COG7: variants seen among roughly 807,000 people sequenced by gnomAD.
COG7 encodes component of oligomeric golgi complex 7.
A neutral mutation model predicts 91.5 loss-of-function variants in COG7; 49 were observed. The observed-to-expected ratio is 0.54, with a 90% CI of 0.43 to 0.68. The LOEUF is 0.68. Among genes scored for constraint, COG7 ranks in the 30% least tolerant of loss-of-function variants. COG7 has a pLI of 0.00. For synonymous variants in COG7, 365 were observed against 388.7 expected (o/e 0.94, Z 0.72); for missense variants, 895 against 961.3 (o/e 0.93, Z 0.91).
At chr16:23,440,984 G>T (rs1596953531) in intron 4 of COG7, among the ~76,000 whole-genome samples, 1 of 151,842 alleles carries the variant, frequency 6.6e-6, no homozygotes, top group South Asian at 2.1e-4. Context: ...GAGAAAATAT[G>T]ATATATATGG....
At chr16:23,426,992 T>A (rs934503798) in intron 6 of COG7, among the ~76,000 whole-genome samples, 9 of 152,188 alleles carry the variant, frequency 5.9e-5, no homozygotes, top group Non-Finnish European at 1.0e-4. Context: ...CTCATGCCTC[T>A]AATCCCAACA....
At chr16:23,451,725 CAAAA>C (rs34572078) in intron 1 of COG7, among the ~76,000 whole-genome samples, 5 of 78,340 alleles carry the variant, frequency 6.4e-5, no homozygotes, top group Non-Finnish European at 8.7e-5. Context: ...GACCCTGTCT[CAAAA>C]AAAAAAAAAA....
intron 6 of COG7, among the ~76,000 whole-genome samples, chr16:23,428,692 CTTTTTTT>C (rs898850977): frequency 7.4e-6 from 1 of 134,684 alleles, no homozygotes; most frequent in Non-Finnish European, 1.6e-5. Flanking sequence ...TGTTTCTTTT[CTTTTTTT>C]TTTTTTTTTT....
At chr16:23,422,658 C>T (rs1963777480) in intron 7 of COG7, among the ~76,000 whole-genome samples, 1 of 151,760 alleles carries the variant, frequency 6.6e-6, no homozygotes, top group Non-Finnish European at 1.5e-5. Context: ...ATGGATTGTT[C>T]TTGCTCTCTT....
Position 23,389,077 on chromosome 16 carries a change from A to C in COG7, c.2156T>G (p.Ile719Ser). The C allele has an allele frequency of 6.2e-7, 1 of 1,613,840 alleles. No individual in the cohort carries two copies. Among genetic ancestry groups the C allele is most frequent in the Non-Finnish European group, 8.5e-7 (1 of 1,179,956 alleles). ...CAGGCCCAGGGCATCCATCACGTTG[A>C]TCAGATAGTCTGTGGGGGCGGAGAG... ...KQLATDIDYL[I>S]NVMDALGLQP... Residue 719 changes from isoleucine to serine, a missense_variant, in exon 17 of 17, where the codon ATC becomes AGC. Ile to Ser is a moderately radical substitution (Grantham distance 142). Coordinates refer to ENST00000307149, the MANE Select transcript of COG7 (RefSeq NM_153603.4).
At chr16:23,415,217 G>A (rs1963634012) in intron 9 of COG7, 1 of 152,216 alleles carries the variant, frequency 6.6e-6, no homozygotes, top group African/African-American at 2.4e-5. Context: ...AAACTGACAG[G>A]GGAATGTTAA....
chr16:23,440,309 A>G (rs1964080553), intron 4 of COG7, among the ~76,000 whole-genome samples: 1 of 151,600 alleles, frequency 6.6e-6, no homozygotes, highest in African/African-American at 2.4e-5. Context: ...GAATCGCTTG[A>G]ACCCAGGAGG....
At chr16:23,424,394 G>C (rs985075030) in intron 7 of COG7, among the ~76,000 whole-genome samples, 2 of 151,618 alleles carry the variant, frequency 1.3e-5, no homozygotes, top group Non-Finnish European at 2.9e-5. Flanking sequence ...GACTTCAAAG[G>C]ATAAGCACAC....
intron 15 of COG7, among the ~76,000 whole-genome samples, chr16:23,392,801 C>T (rs1226277822): frequency 2.6e-5 from 4 of 151,974 alleles, no homozygotes; most frequent in African/African-American, 4.8e-5. Context: ...CGTGGTGGTG[C>T]GCGCCTGTAG....
chr16:23,445,980 A>C lies in COG7; in HGVS notation c.170-19T>G, dbSNP rs752915665. ...CTTGTTTCTGTAGTTAAAAAAAAAA[A>C]AAAAAACAACAACAACAGCGATAGC... On this transcript the variant is annotated intron_variant, in intron 1 of 16. Transcript: ENST00000307149. 11 of 1,608,196 alleles carry C rather than the reference A, an allele frequency of 6.8e-6. No individual in the cohort carries two copies. Among genetic ancestry groups the C allele is most frequent in the South Asian group, 6.6e-5 (6 of 90,344 alleles).
chr16:23,425,166 C>T (rs988263850), intron 6 of COG7, among the ~76,000 whole-genome samples: 1 of 152,068 alleles, frequency 6.6e-6, no homozygotes, highest in Non-Finnish European at 1.5e-5. Flanking sequence ...AAAAATTAGC[C>T]GGGTGTGATG....
rs1963884641 is a variant in COG7, at chr16:23,428,538, T to C, written c.811-3591A>G. Reference sequence around the variant, plus strand: ...ATCAGGGAAATGCAAATAAAAACCATGATGAGATACTACTACACACCCACC... The same window carrying C: ...ATCAGGGAAATGCAAATAAAAACCACGATGAGATACTACTACACACCCACC... On this transcript the variant is annotated intron_variant, in intron 6 of 16. Transcript: ENST00000307149. 2.6e-5 allele frequency among the ~76,000 whole-genome samples: 4 copies of C among 151,820 alleles called. No individual in the cohort carries two copies. The South Asian group carries it at 8.3e-4, about 32-fold the overall frequency.
chr16:23,393,153 G>T, intron 15 of COG7, 80 bp downstream of exon 15: 1 of 996,702 alleles, frequency 1.0e-6, no homozygotes, highest in Non-Finnish European at 1.6e-6. Flanking sequence ...ATGAGCCCAA[G>T]GATAAGGTGT....
chr16:23,434,595 A>G (rs763355219), intron 5 of COG7, 41 bp downstream of exon 5: 2 of 1,401,722 alleles, frequency 1.4e-6, no homozygotes, highest in South Asian at 2.3e-5. Flanking sequence ...AGTTATGAGC[A>G]TTCCACAACT....
chr16:23,434,550 C>A, intron 5 of COG7, 86 bp downstream of exon 5: 1 of 1,030,144 alleles, frequency 9.7e-7, no homozygotes, highest in East Asian at 2.4e-5. Context: ...ATGTTCTTAC[C>A]TTCTGAATTA....
intron 7 of COG7, among the ~76,000 whole-genome samples, chr16:23,420,879 T>C (rs1003086931): frequency 2.0e-5 from 3 of 151,264 alleles, no homozygotes; most frequent in Non-Finnish European, 4.4e-5. Flanking sequence ...GAGTAGCTAG[T>C]ACTACAGGTG....
intron 1 of COG7, among the ~76,000 whole-genome samples, chr16:23,450,751 G>A (rs952592059): frequency 2.0e-5 from 3 of 151,904 alleles, no homozygotes; most frequent in Non-Finnish European, 2.9e-5. Flanking sequence ...AGAATTCCTC[G>A]AGCCCGAGAG....
chr16:23,452,713 G>A, intron 1 of COG7, 113 bp downstream of exon 1: 1 of 1,488,866 alleles, frequency 6.7e-7, no homozygotes, highest in East Asian at 2.5e-5. Context: ...TTTGCCGAGG[G>A]TATTTGCTGT....
intron 4 of COG7, among the ~76,000 whole-genome samples, chr16:23,438,886 G>A (rs989418751): frequency 1.3e-5 from 2 of 151,904 alleles, no homozygotes; most frequent in Admixed American, 1.3e-4. Context: ...GGCCGGGTGT[G>A]GTGGCTCACA....
Sources: allele counts gnomAD v4.1 joint callset (sites outside exome capture counted in the v4.1 genomes callset), GRCh38; gene constraint gnomAD v4.1.1; transcripts MANE v1.5; gene names NCBI Gene and HGNC (gene_info 2026-07-23, HGNC 2026-07-21).